The following ZNF676 variants were observed in gnomAD, a reference collection of about 807,000 sequenced individuals.
ZNF676 encodes zinc finger protein 676.
A neutral mutation model predicts 6.0 loss-of-function variants in ZNF676; 4 were observed. The observed-to-expected ratio is 0.67, with a 90% CI of 0.33 to 1.53. The LOEUF is 1.53. Among genes scored for constraint, ZNF676 ranks in the 40% most tolerant of loss-of-function variants. The pLI, the probability that ZNF676 is intolerant of heterozygous loss-of-function variation, is 0.06. For synonymous variants in ZNF676, 198 were observed against 223.1 expected, an observed-to-expected ratio of 0.89 and a Z score of 1.00; for missense variants, 644 against 679.7, an observed-to-expected ratio of 0.95 and a Z score of 0.58.
chr19:22,205,626 AACAC>A (rs761802348), intron 1 of ZNF676, among the ~76,000 whole-genome samples: 1 of 152,196 alleles, frequency 6.6e-6, no homozygotes, highest in Non-Finnish European at 1.5e-5. Flanking sequence ...ACAAAAATAC[AACAC>A]ACCAGAATCT....
the ZNF676 span, among the ~76,000 whole-genome samples, chr19:22,241,926 T>A: frequency 7.3e-5 from 11 of 151,694 alleles, no homozygotes; most frequent in Non-Finnish European, 1.5e-4. Flanking sequence ...GTGAATGCAA[T>A]AATCCTAATA....
At chr19:22,236,052 G>A in the ZNF676 span, among the ~76,000 whole-genome samples, 1 of 151,508 alleles carries the variant, frequency 6.6e-6, no homozygotes, top group East Asian at 1.9e-4. Context: ...GAGTTGAATG[G>A]GGATGTGGTA....
chr19:22,222,733 G>A, the ZNF676 span, among the ~76,000 whole-genome samples: 3 of 152,156 alleles, frequency 2.0e-5, no homozygotes, highest in Admixed American at 6.5e-5. Context: ...GGTGGTAAAC[G>A]CAGCAAAGCA....
the ZNF676 span, among the ~76,000 whole-genome samples, chr19:22,242,845 G>A: frequency 1.8e-4 from 23 of 124,788 alleles, no homozygotes; most frequent in Admixed American, 1.1e-3. Flanking sequence ...ACCCAAGTTG[G>A]GGGGGGGCTC....
intron 1 of ZNF676, chr19:22,215,620 C>T: frequency 6.2e-7 from 1 of 1,610,622 alleles, no homozygotes; most frequent in African/African-American, 1.3e-5. Flanking sequence ...GTGTCGGACC[C>T]GGCACACTCA....
chr19:22,183,174 G>A (rs1464077732), intron 2 of ZNF676, among the ~76,000 whole-genome samples: 7 of 151,778 alleles, frequency 4.6e-5, no homozygotes, highest in Admixed American at 1.3e-4. Flanking sequence ...ATATCAATAC[G>A]AAAACCAGAA....
intron 1 of ZNF676, among the ~76,000 whole-genome samples, chr19:22,210,671 C>G (rs2024119776): frequency 6.6e-6 from 1 of 152,190 alleles, no homozygotes; most frequent in Non-Finnish European, 1.5e-5. Context: ...AGATGGTGCT[C>G]TCTTTTCTTA....
chr19:22,213,387 C>T (rs2024150092), intron 1 of ZNF676, among the ~76,000 whole-genome samples: 1 of 152,140 alleles, frequency 6.6e-6, no homozygotes. Flanking sequence ...ATTGTCTGAA[C>T]AGCAATGTGT....
At chr19:22,190,978 T>G (rs2144753616) in intron 2 of ZNF676, among the ~76,000 whole-genome samples, 1 of 152,178 alleles carries the variant, frequency 6.6e-6, no homozygotes, top group South Asian at 2.1e-4. Context: ...CCTATTTGCT[T>G]AACCCCCAAC....
chr19:22,251,824 T>A, the ZNF676 span, among the ~76,000 whole-genome samples: 133,718 of 148,826 alleles, frequency 0.9, 61,904 homozygotes, highest in East Asian at 1. Flanking sequence ...CTAATCTAAT[T>A]CTGAACACAT....
upstream of ZNF676, chr19:22,215,797 TCC>T (rs58901355): frequency 0.4 from 219,165 of 548,570 alleles, 45,548 homozygotes; most frequent in African/African-American, 0.57. Flanking sequence ...AGCCGACCTG[TCC>T]CCCCCCCCAG....
At chr19:22,213,202 AT>A (rs1284516905) in intron 1 of ZNF676, among the ~76,000 whole-genome samples, 1 of 152,064 alleles carries the variant, frequency 6.6e-6, no homozygotes, top group Non-Finnish European at 1.5e-5. Context: ...CCCCAGGTAC[AT>A]TTTACTTTGC....
chr19:22,243,719 C>T, the ZNF676 span: 3 of 149,940 alleles, frequency 2.0e-5, no homozygotes, highest in Admixed American at 6.6e-5. Context: ...ACAGAGTCCC[C>T]ACTCTCTAGT....
chr19:22,202,114 A>G (rs2024032354), intron 1 of ZNF676, among the ~76,000 whole-genome samples: 2 of 152,096 alleles, frequency 1.3e-5, no homozygotes, highest in Non-Finnish European at 2.9e-5. Context: ...GCATGGGTAA[A>G]GTAGCAGCAG....
At chr19:22,238,929 C>T in the ZNF676 span, among the ~76,000 whole-genome samples, 797 of 152,320 alleles carry the variant, frequency 5.2e-3, 6 homozygotes, top group Non-Finnish European at 8.5e-3. Context: ...AAGGGTGAGT[C>T]TGCCTTTTCC....
At chr19:22,217,601 C>CAT (rs145636144), upstream of ZNF676, among the ~76,000 whole-genome samples, 70 of 139,320 alleles carry the variant, frequency 5.0e-4, 1 homozygote, top group Middle Eastern at 3.8e-3. Context: ...GTTCTTTTTT[C>CAT]CTTTTTTTTT....
At chr19:22,209,760 G>C (rs2024111855) in intron 1 of ZNF676, among the ~76,000 whole-genome samples, 1 of 152,196 alleles carries the variant, frequency 6.6e-6, no homozygotes, top group African/African-American at 2.4e-5. Context: ...ATTCATTTCT[G>C]GGTCCATGCA....
the ZNF676 span, among the ~76,000 whole-genome samples, chr19:22,260,050 C>T: frequency 6.6e-6 from 1 of 152,174 alleles, no homozygotes; most frequent in South Asian, 2.1e-4. Flanking sequence ...CTGGGAGATG[C>T]AGGAAGATTC....
chr19:22,235,695 T>A, the ZNF676 span, among the ~76,000 whole-genome samples: 2 of 152,276 alleles, frequency 1.3e-5, no homozygotes, highest in South Asian at 2.1e-4. Context: ...ATCAATGCAA[T>A]GGACAACTGT....
Sources: gnomAD v4.1 joint callset for allele counts (sites outside exome capture counted in the v4.1 genomes callset) on GRCh38, gnomAD v4.1.1 for gene constraint, MANE v1.5 for transcripts, NCBI Gene and HGNC (gene_info 2026-07-23, HGNC 2026-07-21) for gene names.